The following AUTS2 variants were observed in gnomAD, a reference collection of about 807,000 sequenced individuals.
AUTS2 encodes the protein activator of transcription and developmental regulator AUTS2.
AUTS2 carries 17 observed loss-of-function variants against 112.4 expected under a neutral mutation model. The ratio of observed to expected loss-of-function variants is 0.15; its 90% confidence interval spans 0.10 to 0.23. The LOEUF is 0.23. Ranked by LOEUF, AUTS2 falls within the 10% of genes least tolerant of loss-of-function variation. The pLI, the probability that AUTS2 is intolerant of heterozygous loss-of-function variation, is 1.00. For synonymous variants in AUTS2, 751 were observed against 702.7 expected (o/e 1.07, Z -1.09); for missense variants, 1,510 against 1,701.6 (o/e 0.89, Z 1.98).
At chr7:70,093,589 G>A (rs1320400056) in intron 2 of AUTS2, among the ~76,000 whole-genome samples, 1 of 152,216 alleles carries the variant, frequency 6.6e-6, no homozygotes, top group East Asian at 1.9e-4. Flanking sequence ...ACTTAGAAGT[G>A]GAGAGAAAGG....
intron 5 of AUTS2, among the ~76,000 whole-genome samples, chr7:70,643,429 G>A (rs919999109): frequency 2.6e-5 from 4 of 152,164 alleles, no homozygotes; most frequent in African/African-American, 9.7e-5. Flanking sequence ...AAATTAGCTG[G>A]GCATGGTGGT....
Position 69,902,333 on chromosome 7 carries a change from C to T in AUTS2, c.522+2835C>T, listed in dbSNP as rs1384282418. On this transcript the variant is annotated intron_variant, in intron 2 of 18. Transcript: ENST00000342771. ...CCTGTAAATATCACAATTACTTTAT[C>T]GCCTGCGTTTGCCTCTTATCAGGTA... 6.6e-5 allele frequency among the ~76,000 whole-genome samples: 10 copies of T among 152,102 alleles called. No individual in the cohort carries two copies. The East Asian group carries it at 9.6e-4, about 15-fold the overall frequency.
intron 2 of AUTS2, among the ~76,000 whole-genome samples, chr7:70,003,592 G>A (rs1341624419): frequency 8.3e-6 from 1 of 120,876 alleles, no homozygotes; most frequent in African/African-American, 3.3e-5. Context: ...TAATATATAT[G>A]AATATGTTAT....
intron 6 of AUTS2, among the ~76,000 whole-genome samples, chr7:70,722,391 G>A (rs999572464): frequency 5.9e-5 from 9 of 152,098 alleles, no homozygotes; most frequent in African/African-American, 1.4e-4. Context: ...AAATATAGAG[G>A]GAGATGGGGA....
At chr7:69,636,480 G>GGCCC (rs1562776075) in intron 1 of AUTS2, among the ~76,000 whole-genome samples, 2 of 16,098 alleles carry the variant, frequency 1.2e-4, no homozygotes, top group African/African-American at 3.4e-4. Flanking sequence ...AGTGATCCGC[G>GGCCC]CCCCCCCCCC....
At chr7:69,863,327 C>T (rs1793076419) in intron 1 of AUTS2, among the ~76,000 whole-genome samples, 1 of 152,042 alleles carries the variant, frequency 6.6e-6, no homozygotes, top group Non-Finnish European at 1.5e-5. Context: ...AAGTAATGTA[C>T]AGATGATTTA....
intron 4 of AUTS2, among the ~76,000 whole-genome samples, chr7:70,263,228 T>C (rs1359643022): frequency 2.6e-5 from 4 of 152,148 alleles, no homozygotes; most frequent in African/African-American, 9.6e-5. Flanking sequence ...TAGAATTCTT[T>C]TCATCTAATC....
At chr7:70,036,482 A>G (rs1219864390) in intron 2 of AUTS2, among the ~76,000 whole-genome samples, 1 of 152,166 alleles carries the variant, frequency 6.6e-6, no homozygotes, top group Non-Finnish European at 1.5e-5. Flanking sequence ...CCCGTGGTTT[A>G]ATATTGTTTC....
intron 2 of AUTS2, among the ~76,000 whole-genome samples, chr7:70,004,249 G>C (rs1243702028): frequency 7.5e-6 from 1 of 132,940 alleles, no homozygotes; most frequent in Non-Finnish European, 1.5e-5. Flanking sequence ...ATATGAATGT[G>C]TTATATGTGA....
chr7:70,396,121 C>G lies in AUTS2; in HGVS notation c.661-39631C>G, dbSNP rs1002975881. Among the ~76,000 whole-genome samples the G allele has an allele frequency of 2.0e-5, 3 of 151,970 alleles. No individual in the cohort carries two copies. In the South Asian group the frequency reaches 6.2e-4, roughly 32 times the overall value. On this transcript the variant is annotated intron_variant, in intron 4 of 18. Coordinates refer to ENST00000342771, the MANE Select transcript of AUTS2 (RefSeq NM_015570.4). ...ATTTAATAAGTTTTGATCAAAGTACCCACTCATGACACCATCACCACAGTC... is the reference window on the plus strand; with the variant it reads ...ATTTAATAAGTTTTGATCAAAGTACGCACTCATGACACCATCACCACAGTC...
At chr7:70,585,310 G>A (rs144067734) in intron 5 of AUTS2, among the ~76,000 whole-genome samples, 1 of 152,094 alleles carries the variant, frequency 6.6e-6, no homozygotes, top group Non-Finnish European at 1.5e-5. Context: ...GGCTTTCTGC[G>A]GGGCTGCTGG....
At chr7:69,816,690 A>C (rs1790777190) in intron 1 of AUTS2, among the ~76,000 whole-genome samples, 2 of 152,186 alleles carry the variant, frequency 1.3e-5, no homozygotes, top group Non-Finnish European at 2.9e-5. Flanking sequence ...TTACATCAAA[A>C]TTACAAGATG....
At chr7:70,168,575 CCTAAG>C (rs1808506574) in intron 4 of AUTS2, among the ~76,000 whole-genome samples, 2 of 152,126 alleles carry the variant, frequency 1.3e-5, no homozygotes, top group Non-Finnish European at 2.9e-5. Context: ...CCTTGGCTTC[CCTAAG>C]TGCTGGAATT....
rs115611238 is a variant in AUTS2, at chr7:70,024,897, C to T, written c.523-93235C>T. On this transcript the variant is annotated intron_variant, in intron 2 of 18. Coordinates refer to ENST00000342771, the MANE Select transcript of AUTS2 (RefSeq NM_015570.4). Reference sequence around the variant, plus strand: ...AAGTTAACTGATTGTAGAAGTTAACCACATCTAGAAAATACCTTTATGGAA... The same window carrying T: ...AAGTTAACTGATTGTAGAAGTTAACTACATCTAGAAAATACCTTTATGGAA... Among the ~76,000 whole-genome samples, 557 of 152,210 alleles carry T rather than the reference C, an allele frequency of 3.7e-3. 7 individuals are homozygous for T. The highest frequency in any genetic ancestry group is 0.013 in the African/African-American group (533 of 41,532).
At chr7:70,024,055 G>T (rs1331521271) in intron 2 of AUTS2, among the ~76,000 whole-genome samples, 1 of 152,094 alleles carries the variant, frequency 6.6e-6, no homozygotes, top group Non-Finnish European at 1.5e-5. Context: ...AATTATTCAG[G>T]GACAAATGTA....
intron 5 of AUTS2, 123 bp downstream of exon 5, chr7:70,435,904 A>G (rs1014587232): frequency 4.1e-5 from 41 of 1,001,582 alleles, no homozygotes; most frequent in Non-Finnish European, 6.0e-5. Context: ...CTCTTTAGGA[A>G]AGATGGGCAT....
At position 70,412,566 on chromosome 7, in the gene AUTS2, T is replaced by G. The variant is rs1047386264; in HGVS notation, c.661-23186T>G. ...AGGTGGCCATTATAAAGTGAGAGCC[T>G]CTGACAGCTTTTTCATGGTTTTAGA... On this transcript the variant is annotated intron_variant, in intron 4 of 18. Transcript: ENST00000342771. 9.8e-5 allele frequency among the ~76,000 whole-genome samples: 15 copies of G among 152,366 alleles called. No individual in the cohort carries two copies. In the East Asian group the frequency reaches 2.9e-3, roughly 29 times the overall value.
At chr7:69,801,808 A>G (rs1790097079) in intron 1 of AUTS2, among the ~76,000 whole-genome samples, 1 of 152,202 alleles carries the variant, frequency 6.6e-6, no homozygotes, top group Non-Finnish European at 1.5e-5. Flanking sequence ...GTGGAAGGGA[A>G]TGTCAATAAA....
At chr7:69,933,606 A>T (rs1796303437) in intron 2 of AUTS2, among the ~76,000 whole-genome samples, 1 of 152,216 alleles carries the variant, frequency 6.6e-6, no homozygotes, top group African/African-American at 2.4e-5. Context: ...TAAAAAAGGA[A>T]AGTATTACAG....
Sources: allele counts gnomAD v4.1 joint callset (sites outside exome capture counted in the v4.1 genomes callset), GRCh38; gene constraint gnomAD v4.1.1; transcripts MANE v1.5; gene names NCBI Gene and HGNC (gene_info 2026-07-23, HGNC 2026-07-21).